TSBP1: variants seen among roughly 807,000 people sequenced by gnomAD.
TSBP1 encodes testis-expressed basic protein 1.
In TSBP1, 56 loss-of-function variants were observed where a neutral mutation model predicts 68.8. The ratio of observed to expected loss-of-function variants is 0.81; its 90% CI spans 0.66 to 1.02. The LOEUF is 1.02. Among genes scored for constraint, TSBP1 ranks in the 50% least tolerant of loss-of-function variants. The pLI, the probability that TSBP1 is intolerant of heterozygous loss-of-function variation, is 0.00. For synonymous variants in TSBP1, 171 were observed against 208.7 expected (o/e 0.82, Z 1.56); for missense variants, 502 against 641.2 (o/e 0.78, Z 2.34).
intron 1 of TSBP1, among the ~76,000 whole-genome samples, chr6:32,370,984 A>C (rs1038535604): frequency 6.6e-6 from 1 of 152,178 alleles, no homozygotes; most frequent in Non-Finnish European, 1.5e-5. Context: ...GACTACTTCA[A>C]ACGAACAATA....
At chr6:32,326,039 C>T in intron 16 of TSBP1, 1 of 1,503,598 alleles carries the variant, frequency 6.7e-7, no homozygotes, top group Admixed American at 1.7e-5. Context: ...AATTTTGGAC[C>T]CATGAAGGGA....
chr6:32,355,119 C>G lies in TSBP1; in HGVS notation c.259+5G>C. On this transcript the variant is annotated splice_donor_5th_base_variant and intron_variant, in intron 8 of 22. Transcript: ENST00000612031. ...AGAATTGAAAGAAAACCACAAAGCA[C>G]TTACCTAGAGAGTTGGTTGATGGTG... 1 of 1,611,006 alleles carries G rather than the reference C, an allele frequency of 6.2e-7. No individual in the cohort carries two copies. Among genetic ancestry groups the G allele is most frequent in the African/African-American group, 1.3e-5 (1 of 74,970 alleles).
At chr6:32,344,268 C>CCCACCCT (rs145758755) in intron 9 of TSBP1, among the ~76,000 whole-genome samples, 5 of 74,482 alleles carry the variant, frequency 6.7e-5, no homozygotes, top group African/African-American at 2.1e-4. Context: ...CCCCCCACCC[C>CCCACCCT]CCACCCTCCA....
intron 7 of TSBP1, among the ~76,000 whole-genome samples, 174 bp downstream of exon 7, chr6:32,355,475 T>C (rs1052497477): frequency 1.3e-5 from 2 of 152,188 alleles, no homozygotes; most frequent in Admixed American, 6.5e-5. Flanking sequence ...TCTATTGTTT[T>C]CCTTTTCTCC....
At chr6:32,339,366 A>G in intron 10 of TSBP1, 1 of 626,810 alleles carries the variant, frequency 1.6e-6, no homozygotes, top group Non-Finnish European at 2.9e-6. Flanking sequence ...TCAGTCTCAA[A>G]TTCCTCACAC....
rs1175479361 is a variant in TSBP1 at position 32,321,076 on chromosome 6, A to G, written c.559+2041T>C. Among the ~76,000 whole-genome samples, 2 of 152,214 alleles carry G rather than the reference A, an allele frequency of 1.3e-5. No homozygotes were observed. The highest frequency in any genetic ancestry group is 3.9e-4 in the East Asian group (2 of 5,182). Reference sequence around the variant, plus strand: ...TATATGTATCACATTTTCTTTATTCAGTCTACCATTGATGGGCATTTAGGT... The same window carrying G: ...TATATGTATCACATTTTCTTTATTCGGTCTACCATTGATGGGCATTTAGGT... On this transcript the variant is annotated intron_variant, in intron 18 of 22. Transcript: ENST00000612031. This position sits in a 1 kb window ranked among gnomAD's most constrained non-coding sequence, Gnocchi z 4.3.
intron 6 of TSBP1, among the ~76,000 whole-genome samples, chr6:32,362,812 G>T (rs1166734541): frequency 6.6e-6 from 1 of 152,188 alleles, no homozygotes; most frequent in Non-Finnish European, 1.5e-5. Context: ...ATTGATCTTT[G>T]TGTATGGTAT....
chr6:32,292,992 CT>C lies in TSBP1; in HGVS notation c.1680del (p.Val561TrpfsTer12). On this transcript the variant is annotated frameshift_variant, in exon 23 of 23. Transcript: ENST00000612031. LOFTEE classifies it high-confidence loss of function. This position sits in a 1 kb window ranked among gnomAD's most constrained non-coding sequence, Gnocchi z 4.1. ...TAAAAAATTTATCCTTACTCTTCCA[CT>C]TTTTTGTTGTACTTCCTTCCTGTAT... 6.3e-7 allele frequency: 1 copy of C among 1,594,812 alleles called. No individual in the cohort carries two copies. The highest frequency in any genetic ancestry group is 8.5e-7 in the Non-Finnish European group (1 of 1,174,352).
chr6:32,369,920 C>T (rs1396642677), exon 2 of TSBP1: 2 of 1,610,392 alleles, frequency 1.2e-6, no homozygotes, highest in Non-Finnish European at 1.7e-6. Flanking sequence ...TCGTGCCCAT[C>T]TTGTTAACAA....
At chr6:32,358,482 G>C (rs1189349906) in intron 6 of TSBP1, among the ~76,000 whole-genome samples, 1 of 152,042 alleles carries the variant, frequency 6.6e-6, no homozygotes, top group Non-Finnish European at 1.5e-5. Context: ...TGTTACATAT[G>C]TATACATGTG....
In TSBP1 at chr6:32,325,157, G is replaced by T; in HGVS notation, c.515-1543C>A. ...AGAAACTTATTAATAATTTATTTAT[G>T]CCTTTCTGCCCATGGATGCCATGGA... On this transcript the variant is annotated intron_variant, in intron 16 of 22. Coordinates refer to ENST00000612031, the Ensembl canonical transcript of TSBP1. This position sits in a 1 kb window ranked among gnomAD's most constrained non-coding sequence, Gnocchi z 4.4. The T allele has an allele frequency of 2.0e-6, 1 of 509,176 alleles. No homozygotes were observed. The highest frequency in any genetic ancestry group is 3.4e-6 in the Non-Finnish European group (1 of 290,428). 31.5% of individuals were successfully genotyped at this position (509,176 alleles called of 1,614,324 possible).
rs192250285 is a variant in TSBP1 at position 32,326,159 on chromosome 6, G to C, written c.515-2545C>G. The C allele has an allele frequency of 6.1e-4, 868 of 1,433,976 alleles. 4 individuals carry two copies. In the African/African-American group the frequency reaches 0.01, roughly 17 times the overall value. The allele number at this position is 1,433,976 out of a possible 1,614,324, so 88.8% of individuals were successfully genotyped here. A position where few individuals can be genotyped will look rare whatever the true frequency, so the allele number is the denominator to read the frequency against. ...GGTTCCAGTAGCAGCAGTAGCTATG[G>C]CAGTGGCAGAAGATTTTAATTAGGA... On this transcript the variant is annotated intron_variant, in intron 16 of 22. Transcript: ENST00000612031.
At chr6:32,370,606 A>G (rs1016974662) in intron 1 of TSBP1, among the ~76,000 whole-genome samples, 2 of 151,934 alleles carry the variant, frequency 1.3e-5, no homozygotes, top group African/African-American at 4.8e-5. Flanking sequence ...ATTTCTTGTC[A>G]CAGAAAAACC....
intron 14 of TSBP1, 51 bp from the exon 16 acceptor site, chr6:32,332,105 T>C: frequency 1.5e-6 from 2 of 1,379,068 alleles, no homozygotes; most frequent in Non-Finnish European, 2.1e-6. Context: ...GGAGAGTGTA[T>C]TTTTCACTAA....
At chr6:32,300,601 A>G (rs1765186068) in intron 21 of TSBP1, 79 bp downstream of exon 24, 1 of 1,272,790 alleles carries the variant, frequency 7.9e-7, no homozygotes, top group Non-Finnish European at 1.1e-6. Context: ...GGAACTCGTA[A>G]CACAAGAACA....
rs1316226211 is a variant in TSBP1 at position 32,324,699 on chromosome 6, A to G, written c.515-1085T>C. 6 of 1,550,330 alleles carry G rather than the reference A, an allele frequency of 3.9e-6. No individual in the cohort carries two copies. The Admixed American group carries it at 9.8e-5, about 25-fold the overall frequency. ...ATCTGACTGAAAAACAAGCAAAGAT[A>G]CTTTTTGTTACCCCTTTCTTGTTTC... On this transcript the variant is annotated intron_variant, in intron 16 of 22. Coordinates refer to ENST00000612031, the Ensembl canonical transcript of TSBP1.
Position 32,340,679 on chromosome 6 carries a change from A to G in TSBP1, c.350-1041T>C, listed in dbSNP as rs941839921. Among the ~76,000 whole-genome samples, 13 of 152,238 alleles carry G rather than the reference A, an allele frequency of 8.5e-5. No individual in the cohort carries two copies. The highest frequency in any genetic ancestry group is 3.1e-4 in the African/African-American group (13 of 41,452). On this transcript the variant is annotated intron_variant, in intron 9 of 22. Coordinates refer to ENST00000612031, the Ensembl canonical transcript of TSBP1. The surrounding 1 kb of genome is among the most constrained non-coding windows in gnomAD (Gnocchi z 4.8). Reference sequence around the variant, plus strand: ...TACATGTGAGCTGAGCAGGAAAGAGAATCATGATAAATTACTGATTTCTGC... The same window carrying G: ...TACATGTGAGCTGAGCAGGAAAGAGGATCATGATAAATTACTGATTTCTGC...
Position 32,359,050 on chromosome 6 carries a change from C to G in TSBP1, c.218-3381G>C, listed in dbSNP as rs868685500. On this transcript the variant is annotated intron_variant, in intron 6 of 22. Coordinates refer to ENST00000612031, the Ensembl canonical transcript of TSBP1. The stretch of plus-strand genomic sequence containing the variant: ...GTCATCTAGCATTAGGTATATCTCC[C>G]AATGCTATCCCTCCCCCCTCCCCCC... 3.0e-4 allele frequency among the ~76,000 whole-genome samples: 44 copies of G among 147,128 alleles called. 1 individual carries two copies. The highest frequency in any genetic ancestry group is 1.1e-3 in the African/African-American group (43 of 39,846).
At chr6:32,295,349 C>A (rs28366173) in intron 22 of TSBP1, among the ~76,000 whole-genome samples, 6,149 of 88,360 alleles carry the variant, frequency 0.07, 350 homozygotes, top group Non-Finnish European at 0.088. Context: ...CACACACACA[C>A]AAAAAAAAAA....
Sources: gnomAD v4.1 joint callset for allele counts (sites outside exome capture counted in the v4.1 genomes callset) on GRCh38, gnomAD v4.1.1 for gene constraint, Gnocchi (gnomAD v3.1) non-coding constraint, MANE v1.5 for transcripts, NCBI Gene and HGNC (gene_info 2026-07-23, HGNC 2026-07-21) for gene names.